Variants in PCED1B observed in about 807,000 individuals in gnomAD.
PCED1B encodes PC-esterase domain containing 1B, also known as PC-esterase domain-containing protein 1B.
For missense variants in PCED1B, 573 were observed against 573.9 expected (o/e 1.00, Z 0.02); for synonymous variants, 251 against 246.1 (o/e 1.02, Z -0.19).
chr12:47,162,126 G>T (rs1033010191), intron 2 of PCED1B, among the ~76,000 whole-genome samples: 3 of 151,778 alleles, frequency 2.0e-5, no homozygotes, highest in African/African-American at 7.3e-5. Flanking sequence ...GGTGGTGGGG[G>T]GGGGAAGGAT....
intron 2 of PCED1B, among the ~76,000 whole-genome samples, chr12:47,188,334 A>G (rs1942339487): frequency 6.6e-6 from 1 of 152,178 alleles, no homozygotes; most frequent in Non-Finnish European, 1.5e-5. Flanking sequence ...GATGTCCCAC[A>G]CAAAAGCCCT....
rs1207722337 is a variant in PCED1B, at chr12:47,090,550, C to T, written c.-609+10825C>T. 5.9e-5 allele frequency among the ~76,000 whole-genome samples: 9 copies of T among 152,158 alleles called. No individual in the cohort carries two copies. In the East Asian group the frequency reaches 1.7e-3, roughly 29 times the overall value. On this transcript the variant is annotated intron_variant, in intron 1 of 3. Coordinates refer to ENST00000546455, the MANE Select transcript of PCED1B (RefSeq NM_138371.3). The stretch of plus-strand genomic sequence containing the variant: ...AAGGCAACCACACCCTTGTAACCAT[C>T]ACCCAAATCAAGAAACAGGACATTA...
At chr12:47,105,411 A>G (rs945090352) in intron 2 of PCED1B, among the ~76,000 whole-genome samples, 12 of 152,186 alleles carry the variant, frequency 7.9e-5, no homozygotes, top group African/African-American at 2.4e-4. Flanking sequence ...TCATGAAGAT[A>G]TTGGACTTTA....
At chr12:47,231,999 T>C (rs577137693) in intron 3 of PCED1B, among the ~76,000 whole-genome samples, 2 of 152,360 alleles carry the variant, frequency 1.3e-5, no homozygotes, top group African/African-American at 4.8e-5. Context: ...TACCACTTTC[T>C]ACATGATAGT....
intron 2 of PCED1B, among the ~76,000 whole-genome samples, chr12:47,178,505 T>C (rs931245637): frequency 2.0e-5 from 3 of 152,032 alleles, no homozygotes; most frequent in Non-Finnish European, 2.9e-5. Flanking sequence ...AACAATGGAA[T>C]GGCAACAGCC....
chr12:47,152,911 G>C (rs1005128935), intron 2 of PCED1B, among the ~76,000 whole-genome samples: 3 of 151,806 alleles, frequency 2.0e-5, no homozygotes, highest in Non-Finnish European at 4.4e-5. Flanking sequence ...CTCCAGCCTG[G>C]GCAACAGAGT....
Position 47,235,730 on chromosome 12 carries a change from G to T in PCED1B, c.667G>T (p.Glu223Ter). 6.2e-7 allele frequency: 1 copy of T among 1,609,436 alleles called. No homozygotes were observed. Residue 223 changes from glutamate (E) to a stop codon, truncating the protein, a stop_gained, in exon 4 of 4, where the codon GAG becomes TAG. Transcript: ENST00000546455. LOFTEE classifies it low-confidence loss of function (END_TRUNC). ...GCATTTCCACTTCCGCCACGCGAGG[G>T]AGAACCTGCACTGGGACGGGGTGCA... The part of the protein sequence containing the change: ...DLHFHFRHAR[E>*]NLHWDGVHWN...
intron 1 of PCED1B, 139 bp downstream of exon 1, chr12:47,079,864 C>T (rs1941936909): frequency 6.6e-6 from 1 of 150,522 alleles, no homozygotes; most frequent in Non-Finnish European, 1.5e-5. Context: ...GCTGCAGGAC[C>T]CGGGGTTCCC....
chr12:47,118,888 C>T (rs1000149007), intron 2 of PCED1B, among the ~76,000 whole-genome samples: 1 of 152,104 alleles, frequency 6.6e-6, no homozygotes, highest in African/African-American at 2.4e-5. Context: ...TTGTAGTTGT[C>T]CTTGAAGAGG....
In PCED1B at chr12:47,217,421, G is replaced by A. The variant is rs569839094; in HGVS notation, c.-58+732G>A. 2.9e-4 allele frequency among the ~76,000 whole-genome samples: 32 copies of A among 108,698 alleles called. 1 individual carries two copies. The East Asian group carries it at 6.3e-3, about 21-fold the overall frequency. 71.3% of individuals were successfully genotyped at this position (108,698 alleles called of 152,430 possible). A position where few individuals can be genotyped will look rare whatever the true frequency, so the allele number is the denominator to read the frequency against. On this transcript the variant is annotated intron_variant, in intron 3 of 3. Transcript: ENST00000546455. ...AGAAACAGAGAGAGAGAGAGAGACA[G>A]AGAAAGAAGAAAAAAAAAGAAAGAA... is the stretch of plus-strand genomic sequence containing the variant.
At chr12:47,202,594 T>TAAAAA (rs60769675) in intron 2 of PCED1B, among the ~76,000 whole-genome samples, 7 of 66,666 alleles carry the variant, frequency 1.1e-4, no homozygotes, top group Admixed American at 3.7e-4. Flanking sequence ...TAGACATTAG[T>TAAAAA]AAAAAAAAAA....
intron 2 of PCED1B, among the ~76,000 whole-genome samples, chr12:47,205,358 G>C (rs1029434595): frequency 2.0e-5 from 3 of 152,138 alleles, no homozygotes; most frequent in African/African-American, 7.2e-5. Context: ...TTATCCCCAG[G>C]AGCAATTTGG....
chr12:47,142,272 C>A (rs1189074621), intron 2 of PCED1B, among the ~76,000 whole-genome samples: 1 of 152,188 alleles, frequency 6.6e-6, no homozygotes, highest in African/African-American at 2.4e-5. Flanking sequence ...ACTCCAACCC[C>A]ACTCAACTGC....
intron 2 of PCED1B, among the ~76,000 whole-genome samples, chr12:47,106,701 C>T (rs1938965307): frequency 6.6e-6 from 1 of 152,192 alleles, no homozygotes; most frequent in African/African-American, 2.4e-5. Context: ...TTTCCCTCCT[C>T]CCCGCTTCTC....
chr12:47,218,291 G>A (rs1315439556), intron 3 of PCED1B, among the ~76,000 whole-genome samples: 2 of 152,098 alleles, frequency 1.3e-5, no homozygotes, highest in African/African-American at 4.8e-5. Flanking sequence ...GAAGTTAGTC[G>A]GTGTGCATAG....
Position 47,235,622 on chromosome 12 carries a change from A to T in PCED1B, c.559A>T (p.Thr187Ser), listed in dbSNP as rs776626698. ...GCCCAAGCTCCGGCGGCAGAAGGCC[A>T]CCTTCCTGAAAAACGAAGTGGTCAA... is the stretch of plus-strand genomic sequence containing the variant. ...LPPKLRRQKATFLKNEVVKAN... is the reference protein window; with the variant it reads ...LPPKLRRQKASFLKNEVVKAN... The change falls in exon 4 of 4, where the codon ACC becomes TCC. Residue 187 changes from threonine to serine, a missense_variant. By Grantham distance (58) the Thr-to-Ser change is moderately conservative (BLOSUM62 1). Coordinates refer to ENST00000546455, the MANE Select transcript of PCED1B (RefSeq NM_138371.3). The T allele has an allele frequency of 1.7e-5, 28 of 1,610,246 alleles. No individual in the cohort carries two copies. Among genetic ancestry groups the T allele is most frequent in the Non-Finnish European group, 2.1e-5 (25 of 1,178,162 alleles).
chr12:47,103,615 C>T (rs984879862), intron 1 of PCED1B, among the ~76,000 whole-genome samples: 1 of 49,834 alleles, frequency 2.0e-5, no homozygotes, highest in African/African-American at 6.2e-5. Context: ...AAAAATGAAC[C>T]GGTTGTTCTT....
chr12:47,168,037 A>G (rs372045317), intron 2 of PCED1B, among the ~76,000 whole-genome samples: 1 of 152,226 alleles, frequency 6.6e-6, no homozygotes, highest in Admixed American at 6.5e-5. Flanking sequence ...GTAGATGGGG[A>G]CACTAACATT....
At chr12:47,186,763 C>A (rs2137633967) in intron 2 of PCED1B, among the ~76,000 whole-genome samples, 1 of 152,284 alleles carries the variant, frequency 6.6e-6, no homozygotes, top group South Asian at 2.1e-4. Flanking sequence ...TTGTGAGATA[C>A]TACATTTCTG....
Sources: gnomAD v4.1 joint callset for allele counts (sites outside exome capture counted in the v4.1 genomes callset) on GRCh38, gnomAD v4.1.1 for gene constraint, MANE v1.5 for transcripts, NCBI Gene and HGNC (gene_info 2026-07-23, HGNC 2026-07-21) for gene names.